Variants in DDHD2 observed in about 807,000 individuals in gnomAD.
DDHD2 encodes DDHD domain containing 2.
In DDHD2, 62 loss-of-function variants were observed where a neutral mutation model predicts 91.2. The ratio of observed to expected loss-of-function variants is 0.68; its 90% CI spans 0.55 to 0.84. The LOEUF is 0.84. Among genes scored for constraint, DDHD2 ranks in the 40% least tolerant of loss-of-function variants. DDHD2 has a pLI of 0.00. For synonymous variants in DDHD2, 271 were observed against 293.9 expected (o/e 0.92, Z 0.80); for missense variants, 740 against 846.9 (o/e 0.87, Z 1.57).
At chr8:38,246,067 T>C (rs1311350709) in intron 8 of DDHD2, 117 bp downstream of exon 8, 16 of 1,239,968 alleles carry the variant, frequency 1.3e-5, no homozygotes, top group Non-Finnish European at 1.9e-5. Context: ...TGGTCTGTGG[T>C]CAGGAAATTT....
downstream of DDHD2, chr8:38,267,065 A>G (rs1266700427): frequency 7.0e-7 from 1 of 1,428,186 alleles, no homozygotes; most frequent in Admixed American, 2.9e-5. Context: ...AATCTCATGA[A>G]GGTAAACTAC....
chr8:38,256,278 T>C (rs555500976), intron 16 of DDHD2, among the ~76,000 whole-genome samples: 1 of 152,286 alleles, frequency 6.6e-6, no homozygotes, highest in African/African-American at 2.4e-5. Flanking sequence ...GTATATACTT[T>C]TGTTGTTTGG....
At position 38,233,004 on chromosome 8, in the gene DDHD2, G is replaced by GTGC; in HGVS notation, c.11_13dup (p.Val4_Gln5insLeu). The GTGC allele has an allele frequency of 1.9e-6, 3 of 1,614,074 alleles. No homozygotes were observed. The highest frequency in any genetic ancestry group is 2.5e-6 in the Non-Finnish European group (3 of 1,179,972). On this transcript the variant is annotated inframe_insertion, in exon 2 of 18. Transcript: ENST00000397166. The stretch of plus-strand genomic sequence containing the variant: ...GTCTTTAGAGAGCGAAATGTCATCA[G>GTGC]TGCAGTCACAACAGGAGCAGTTGTC...
chr8:38,236,471 C>T (rs1804761375), intron 3 of DDHD2, among the ~76,000 whole-genome samples: 2 of 151,990 alleles, frequency 1.3e-5, no homozygotes, highest in African/African-American at 2.4e-5. Flanking sequence ...TTTCCTGCCT[C>T]ACCCTCCTAA....
downstream of DDHD2, chr8:38,266,260 T>C (rs1807567569): frequency 1.9e-6 from 3 of 1,613,780 alleles, no homozygotes. Flanking sequence ...TGTGAAGCAG[T>C]GTAACTTCCC....
intron 1 of DDHD2, 65 bp from the exon 2 acceptor site, chr8:38,232,922 C>T (rs919527123): frequency 9.8e-5 from 103 of 1,051,928 alleles, no homozygotes; most frequent in Middle Eastern, 2.1e-4. Context: ...TAGTTTTGTG[C>T]GTGTGTGTGT....
intron 3 of DDHD2, among the ~76,000 whole-genome samples, chr8:38,236,768 C>T (rs948822786): frequency 2.0e-5 from 3 of 152,202 alleles, no homozygotes; most frequent in East Asian, 3.9e-4. Flanking sequence ...GATCCACCCG[C>T]CTTGGCCTTC....
intron 3 of DDHD2, among the ~76,000 whole-genome samples, chr8:38,236,741 A>C (rs1804798350): frequency 6.6e-6 from 1 of 151,682 alleles, no homozygotes; most frequent in Non-Finnish European, 1.5e-5. Flanking sequence ...GCTGGTCTCG[A>C]ACTCCCAACC....
At chr8:38,257,900 G>C (rs1310204230) in intron 16 of DDHD2, among the ~76,000 whole-genome samples, 3 of 151,246 alleles carry the variant, frequency 2.0e-5, no homozygotes, top group Non-Finnish European at 3.0e-5. Flanking sequence ...CTGACCTCAA[G>C]TGATCCCACC....
At position 38,238,293 on chromosome 8, in the gene DDHD2, T is replaced by G. The variant is rs753715698; in HGVS notation, c.622+84T>G. The G allele has an allele frequency of 5.1e-6, 8 of 1,579,692 alleles. No individual in the cohort carries two copies. The Admixed American group carries it at 1.3e-4, about 25-fold the overall frequency. On this transcript the variant is annotated intron_variant, in intron 5 of 17. Coordinates refer to ENST00000397166, the MANE Select transcript of DDHD2 (RefSeq NM_015214.3). ...GTGACCTTTTTCTGTGGATTTAGAT[T>G]ACCTCAAGGCTTAAAAATCATCTTT...
chr8:38,233,307 AT>A, intron 2 of DDHD2, 93 bp downstream of exon 2: 1 of 955,562 alleles, frequency 1.0e-6, no homozygotes, highest in Non-Finnish European at 1.5e-6. Context: ...TGAAAACCAA[AT>A]TTTAGATTTT....
chr8:38,253,414 T>G, intron 15 of DDHD2, 142 bp from the exon 16 acceptor site: 1 of 816,502 alleles, frequency 1.2e-6, no homozygotes, highest in Non-Finnish European at 1.9e-6. Context: ...TTGAAGGAGA[T>G]TGAGAGGAGG....
intron 9 of DDHD2, 145 bp from the exon 10 acceptor site, chr8:38,247,568 C>T (rs528491232): frequency 2.1e-6 from 1 of 471,254 alleles, no homozygotes; most frequent in East Asian, 3.6e-5. Context: ...ACCTTGGAAC[C>T]TCTTAATTTA....
Position 38,262,065 on chromosome 8 carries a change from G to A in DDHD2, c.*1492G>A, listed in dbSNP as rs1291735632. The A allele has an allele frequency of 6.6e-6, 1 of 152,234 alleles. No homozygotes were observed. Among genetic ancestry groups the A allele is most frequent in the Non-Finnish European group, 1.5e-5 (1 of 68,038 alleles). 9.4% of individuals were successfully genotyped at this position (152,234 alleles called of 1,614,324 possible). A position where few individuals can be genotyped will look rare whatever the true frequency, so the allele number is the denominator to read the frequency against. The stretch of plus-strand genomic sequence containing the variant: ...GGTAATTACTGTCACCATGGAGATT[G>A]TAGAGGTAAGGTTGGGGTATAGGTC... On this transcript the variant is annotated 3_prime_UTR_variant, in exon 18 of 18. Transcript: ENST00000397166.
At chr8:38,267,655 A>T, downstream of DDHD2, 1 of 621,576 alleles carries the variant, frequency 1.6e-6, no homozygotes, top group Non-Finnish European at 2.8e-6. Context: ...GGTGCTCAAG[A>T]GGACACTGAC....
chr8:38,256,503 C>T (rs1010223508), intron 16 of DDHD2, among the ~76,000 whole-genome samples: 4 of 151,884 alleles, frequency 2.6e-5, no homozygotes, highest in African/African-American at 7.3e-5. Context: ...AATTTATTTT[C>T]GTAGAGATGG....
intron 3 of DDHD2, among the ~76,000 whole-genome samples, chr8:38,234,948 G>A (rs1038351142): frequency 6.6e-6 from 1 of 151,636 alleles, no homozygotes; most frequent in Non-Finnish European, 1.5e-5. Context: ...TTTTTAAGGG[G>A]CACTGCTATC....
At chr8:38,259,393 T>A (rs1352388406) in intron 16 of DDHD2, among the ~76,000 whole-genome samples, 1 of 151,584 alleles carries the variant, frequency 6.6e-6, no homozygotes, top group Admixed American at 6.6e-5. Context: ...GCTAGTTTTT[T>A]TTTTTTTTTT....
At chr8:38,258,540 C>T (rs759981391) in intron 16 of DDHD2, among the ~76,000 whole-genome samples, 46 of 152,158 alleles carry the variant, frequency 3.0e-4, no homozygotes, top group East Asian at 1.9e-4. Context: ...TGTGAGCCAC[C>T]GTGCCTGGCC....
Sources: allele counts gnomAD v4.1 joint callset (sites outside exome capture counted in the v4.1 genomes callset), GRCh38; gene constraint gnomAD v4.1.1; transcripts MANE v1.5; gene names NCBI Gene and HGNC (gene_info 2026-07-23, HGNC 2026-07-21).